The following CTNNBIP1 variants were observed in gnomAD, a reference collection of about 807,000 sequenced individuals.
CTNNBIP1 encodes the protein beta-catenin-interacting protein 1.
A neutral mutation model predicts 11.8 loss-of-function variants in CTNNBIP1; 7 were observed. The ratio of observed to expected loss-of-function variants is 0.60; its 90% CI spans 0.34 to 1.12. CTNNBIP1 has a LOEUF of 1.12. CTNNBIP1 is among the 50% of genes most tolerant of loss of function. CTNNBIP1 has a pLI of 0.03. For missense variants in CTNNBIP1, 101 were observed against 113.4 expected, an observed-to-expected ratio of 0.89 and a Z score of 0.50; for synonymous variants, 58 against 43.9, an observed-to-expected ratio of 1.32 and a Z score of -1.26.
chr1:9,908,947 C>G (rs535453115), intron 1 of CTNNBIP1, among the ~76,000 whole-genome samples: 1 of 152,162 alleles, frequency 6.6e-6, no homozygotes, highest in Admixed American at 6.5e-5. Context: ...CCCAGCAAAC[C>G]GTGAATGACA....
intron 3 of CTNNBIP1, among the ~76,000 whole-genome samples, 164 bp downstream of exon 3, chr1:9,877,722 TAACATTCTCCAGAAGACCC>T (rs149751788): frequency 0.013 from 1,934 of 152,302 alleles, 38 homozygotes; most frequent in African/African-American, 0.044. Flanking sequence ...AGCAGCACCC[TAACATTCTCCAGAAGACCC>T]AACACATCTG....
chr1:9,895,946 T>C (rs1639400448), intron 1 of CTNNBIP1, among the ~76,000 whole-genome samples: 1 of 152,198 alleles, frequency 6.6e-6, no homozygotes, highest in South Asian at 2.1e-4. Context: ...GAATTTAATA[T>C]TGACCAAGTA....
chr1:9,866,275 G>A (rs1638742759), intron 5 of CTNNBIP1, among the ~76,000 whole-genome samples: 1 of 152,226 alleles, frequency 6.6e-6, no homozygotes, highest in Admixed American at 6.5e-5. Context: ...GGCAAATGCA[G>A]TGGCAGAAAG....
At chr1:9,898,881 A>G (rs1639462779) in intron 1 of CTNNBIP1, among the ~76,000 whole-genome samples, 1 of 152,182 alleles carries the variant, frequency 6.6e-6, no homozygotes, top group African/African-American at 2.4e-5. Context: ...GTTATACTAT[A>G]TTGGTTTTTT....
At chr1:9,892,514 G>GC (rs1186014704) in intron 1 of CTNNBIP1, among the ~76,000 whole-genome samples, 2 of 151,062 alleles carry the variant, frequency 1.3e-5, no homozygotes, top group African/African-American at 4.9e-5. Context: ...GATCCCAAGA[G>GC]CCCAGGAGTC....
chr1:9,876,424 C>T (rs988149334), intron 3 of CTNNBIP1, among the ~76,000 whole-genome samples: 2 of 152,132 alleles, frequency 1.3e-5, no homozygotes, highest in Admixed American at 1.3e-4. Flanking sequence ...TGAGACTAGC[C>T]TGGCCAACAT....
At chr1:9,862,009 G>A (rs1638641462) in intron 5 of CTNNBIP1, among the ~76,000 whole-genome samples, 1 of 152,148 alleles carries the variant, frequency 6.6e-6, no homozygotes, top group Non-Finnish European at 1.5e-5. Context: ...TCCCAGATGT[G>A]CTCCCCCAAA....
In CTNNBIP1 at chr1:9,861,396, G is replaced by A. The variant is rs147432185; in HGVS notation, c.187+9791C>T. ...TGGCATGTGCTATTTTCAGCAGCTCGGGACTATGAGCTGGGTGTTCTATAC... is the reference window on the plus strand; with the variant it reads ...TGGCATGTGCTATTTTCAGCAGCTCAGGACTATGAGCTGGGTGTTCTATAC... On this transcript the variant is annotated intron_variant, in intron 5 of 5. Transcript: ENST00000377263. Among the ~76,000 whole-genome samples, 229 of 152,298 alleles carry A rather than the reference G, an allele frequency of 1.5e-3. 1 individual carries two copies. Among genetic ancestry groups the A allele is most frequent in the Non-Finnish European group, 2.6e-3 (177 of 68,028 alleles).
rs1330375275 is a variant in CTNNBIP1 at position 9,872,909 on chromosome 1, C to A, written c.-24-821G>T. Among the ~76,000 whole-genome samples the A allele has an allele frequency of 6.6e-6, 1 of 152,142 alleles. No homozygotes were observed. The highest frequency in any genetic ancestry group is 1.5e-5 in the Non-Finnish European group (1 of 68,018). The stretch of plus-strand genomic sequence containing the variant: ...ACACACTGGTAACTCCTGGATGAGT[C>A]AGAAATAACGCAGCAGCTGCTGGGG... On this transcript the variant is annotated intron_variant, in intron 3 of 5. Transcript: ENST00000377263. The surrounding 1 kb of genome is among the most constrained non-coding windows in gnomAD (Gnocchi z 4.0).
In CTNNBIP1 at chr1:9,896,838, G is replaced by A. The variant is rs1013188409; in HGVS notation, c.-143-13100C>T. 2.3e-4 allele frequency among the ~76,000 whole-genome samples: 35 copies of A among 152,106 alleles called. 1 individual carries two copies. The highest frequency in any genetic ancestry group is 7.5e-4 in the African/African-American group (31 of 41,486). ...AGAAATTAGCCAGGCATGGTGGCAC[G>A]TGCCTGTAGTCCCAGCTACTCAGGA... On this transcript the variant is annotated intron_variant, in intron 1 of 5. Transcript: ENST00000377263.
intron 1 of CTNNBIP1, among the ~76,000 whole-genome samples, chr1:9,897,004 T>C (rs1008079692): frequency 4.0e-5 from 6 of 149,502 alleles, no homozygotes; most frequent in African/African-American, 1.5e-4. Context: ...TAGCCGGGCA[T>C]GGTGGCGCGC....
At chr1:9,892,691 TG>T (rs1639332566) in intron 1 of CTNNBIP1, among the ~76,000 whole-genome samples, 1 of 152,162 alleles carries the variant, frequency 6.6e-6, no homozygotes, top group African/African-American at 2.4e-5. Context: ...TAGGTGTATC[TG>T]TTTACTTCGC....
chr1:9,857,149 A>G (rs1171801608), intron 5 of CTNNBIP1, among the ~76,000 whole-genome samples: 3 of 150,616 alleles, frequency 2.0e-5, no homozygotes, highest in Admixed American at 2.0e-4. Flanking sequence ...AAACAAAAAA[A>G]ACCCTCAATA....
chr1:9,904,395 C>G (rs1157498860), intron 1 of CTNNBIP1, among the ~76,000 whole-genome samples: 1 of 152,184 alleles, frequency 6.6e-6, no homozygotes, highest in Non-Finnish European at 1.5e-5. Context: ...GAGTCCCACT[C>G]TGGATTCCTG....
In CTNNBIP1 at chr1:9,871,977, C is replaced by T. The variant is rs1388200557; in HGVS notation, c.88G>A (p.Gly30Arg). The change falls in exon 4 of 6, where the codon GGA becomes AGA. Residue 30 changes from glycine to arginine, a missense_variant. Transcript: ENST00000377263. The surrounding 1 kb of genome is among the most constrained non-coding windows in gnomAD (Gnocchi z 5.2). ...VRVLLMLRKM[G>R]SNLTASEEEF... ...ACCCCACAGGCACTCACGTTTGATC[C>T]CATCTTCCGCAGCATGAGCAGCACT... 6.2e-7 allele frequency: 1 copy of T among 1,614,062 alleles called. No homozygotes were observed. Among genetic ancestry groups the T allele is most frequent in the Non-Finnish European group, 8.5e-7 (1 of 1,179,924 alleles).
chr1:9,853,575 G>C (rs1638436291), intron 5 of CTNNBIP1, among the ~76,000 whole-genome samples: 1 of 152,212 alleles, frequency 6.6e-6, no homozygotes, highest in South Asian at 2.1e-4. Flanking sequence ...TCGCTGTCCT[G>C]GATGCACAGC....
rs200258284 is a variant in CTNNBIP1, at chr1:9,871,969, G to A, written c.96C>T (p.Asn32=). ...TGCCTGACACCCCACAGGCACTCAC[G>A]TTTGATCCCATCTTCCGCAGCATGA... ...VLLMLRKMGS[N]LTASEEEFLR... Residue 32 remains asparagine, a splice_region_variant and synonymous_variant, in exon 4 of 6, where the codon AAC becomes AAT. Transcript: ENST00000377263. The surrounding 1 kb of genome is among the most constrained non-coding windows in gnomAD (Gnocchi z 5.2). The A allele has an allele frequency of 3.3e-5, 54 of 1,613,730 alleles. No homozygotes were observed. The highest frequency in any genetic ancestry group is 9.3e-5 in the African/African-American group (7 of 74,934).
In CTNNBIP1 at chr1:9,873,755, C is replaced by T. The variant is rs541200592; in HGVS notation, c.-24-1667G>A. 4.6e-5 allele frequency among the ~76,000 whole-genome samples: 7 copies of T among 152,210 alleles called. 1 individual carries two copies. In the South Asian group the frequency reaches 1.5e-3, roughly 32 times the overall value. Reference sequence around the variant, plus strand: ...GATCTTATTATTGATTATTTTTTGACACAGGGTCTCCCTCTGTCGCCCAGG... The same window carrying T: ...GATCTTATTATTGATTATTTTTTGATACAGGGTCTCCCTCTGTCGCCCAGG... On this transcript the variant is annotated intron_variant, in intron 3 of 5. Coordinates refer to ENST00000377263, the MANE Select transcript of CTNNBIP1 (RefSeq NM_020248.3).
intron 2 of CTNNBIP1, among the ~76,000 whole-genome samples, chr1:9,882,356 C>G (rs1252169786): frequency 6.6e-6 from 1 of 152,220 alleles, no homozygotes; most frequent in Non-Finnish European, 1.5e-5. Context: ...AGACAGACAC[C>G]AGTCAAGTCA....
Sources: allele counts gnomAD v4.1 joint callset (sites outside exome capture counted in the v4.1 genomes callset), GRCh38; gene constraint gnomAD v4.1.1; non-coding constraint Gnocchi (gnomAD v3.1); transcripts MANE v1.5; gene names NCBI Gene and HGNC (gene_info 2026-07-23, HGNC 2026-07-21).